SRSF9: variants seen among roughly 807,000 people sequenced by gnomAD.
The protein encoded by SRSF9 is serine/arginine-rich splicing factor 9.
In SRSF9, 3 loss-of-function variants were observed where a neutral mutation model predicts 25.9. The observed-to-expected ratio is 0.12, with a 90% CI of 0.05 to 0.30. SRSF9 has a LOEUF of 0.30. Ranked by LOEUF, SRSF9 falls within the 10% of genes least tolerant of loss-of-function variation. The probability of loss-of-function intolerance (pLI) is 1.00; values close to 1 mark genes in which losing one functional copy is unlikely to be tolerated. For missense variants in SRSF9, 161 were observed against 303.5 expected, an observed-to-expected ratio of 0.53 and a Z score of 3.49; for synonymous variants, 114 against 113.2, an observed-to-expected ratio of 1.01 and a Z score of -0.05.
chr12:120,465,905 A>G, intron 1 of SRSF9, 118 bp from the exon 2 acceptor site: 1 of 958,968 alleles, frequency 1.0e-6, no homozygotes, highest in Non-Finnish European at 1.5e-6. Flanking sequence ...TAGAGTGAAG[A>G]AAAAAACACA....
At chr12:120,464,640 G>C (rs1474349809) in intron 2 of SRSF9, 1 of 152,822 alleles carries the variant, frequency 6.5e-6, no homozygotes, top group Non-Finnish European at 1.5e-5. Context: ...ACTATACAGA[G>C]TACCTCTTAA....
At chr12:120,466,826 C>T (rs1045598231) in intron 1 of SRSF9, among the ~76,000 whole-genome samples, 1 of 152,206 alleles carries the variant, frequency 6.6e-6, no homozygotes, top group African/African-American at 2.4e-5. Flanking sequence ...TAAGCCACTG[C>T]GCCTGGCCTT....
chr12:120,468,968 C>T (rs1456319988), intron 1 of SRSF9, among the ~76,000 whole-genome samples: 1 of 152,044 alleles, frequency 6.6e-6, no homozygotes, highest in Non-Finnish European at 1.5e-5. Flanking sequence ...CCTCCACGAC[C>T]TCCAGCGGCA....
intron 1 of SRSF9, 125 bp from the exon 2 acceptor site, chr12:120,465,912 C>G: frequency 1.1e-6 from 1 of 922,048 alleles, no homozygotes; most frequent in Admixed American, 3.7e-5. Context: ...AAGAAAAAAA[C>G]ACACAAATCA....
intron 1 of SRSF9, 89 bp from the exon 2 acceptor site, chr12:120,465,876 T>G: frequency 7.6e-7 from 1 of 1,311,864 alleles, no homozygotes; most frequent in Non-Finnish European, 1.0e-6. Flanking sequence ...GCATGAGTAG[T>G]AAGCATAAAA....
chr12:120,463,907 A>T, intron 3 of SRSF9, 43 bp downstream of exon 3: 2 of 1,561,710 alleles, frequency 1.3e-6, no homozygotes, highest in African/African-American at 1.4e-5. Flanking sequence ...GTTCAAGTGG[A>T]GTGATTTGAG....
Position 120,469,436 on chromosome 12 carries a change from G to A in SRSF9, c.174C>T (p.Arg58=). 6.3e-7 allele frequency: 1 copy of A among 1,585,068 alleles called. No homozygotes were observed. Residue 58 remains arginine, a synonymous_variant, in exon 1 of 4, where the codon CGC becomes CGT. Transcript: ENST00000229390. ...GGGGGCCTCACCGGGGGTCCTCGAA[G>A]CGCACGAAGGCGAAGGGCACGAGGC... is the stretch of plus-strand genomic sequence containing the variant. ...RHGLVPFAFV[R]FEDPRDAEDA...
intron 1 of SRSF9, 108 bp downstream of exon 1, chr12:120,469,314 G>GCGGGGGGAGGGGAGGC (rs1051411783): frequency 4.4e-5 from 31 of 710,654 alleles, no homozygotes; most frequent in Admixed American, 2.3e-4. Flanking sequence ...CTGCGCGGAG[G>GCGGGGGGAGGGGAGGC]CGGGGGGAGG....
Position 120,462,110 on chromosome 12 carries a change from T to C in SRSF9, c.575A>G (p.Tyr192Cys), listed in dbSNP as rs1423438628. The change falls in exon 4 of 4, where the codon TAC becomes TGC. Residue 192 changes from tyrosine (Y) to cysteine (C), a missense_variant. Physicochemically the swap from Tyr to Cys is radical, Grantham distance 194. Transcript: ENST00000229390. ...CCTTGACCCAGACCGAGACCGTGAG[T>C]AGCCATAGCTGGTGCTTCTCTCAGG... ...VYPERSTSYG[Y>C]SRSRSGSRGR... 1 of 1,611,942 alleles carries C rather than the reference T, an allele frequency of 6.2e-7. No individual in the cohort carries two copies. The highest frequency in any genetic ancestry group is 2.2e-5 in the East Asian group (1 of 44,798).
At chr12:120,464,259 G>T (rs1878433128) in intron 2 of SRSF9, 137 bp from the exon 3 acceptor site, 3 of 1,006,014 alleles carry the variant, frequency 3.0e-6, no homozygotes, top group Non-Finnish European at 4.3e-6. Flanking sequence ...CTTGATAAGG[G>T]ACATGAAATC....
intron 2 of SRSF9, chr12:120,465,388 A>C (rs1401297157): frequency 1.7e-5 from 6 of 356,310 alleles, no homozygotes; most frequent in Non-Finnish European, 3.0e-5. Flanking sequence ...CCTTCTCACC[A>C]CTAGAAAACT....
At chr12:120,466,864 G>C (rs887161467) in intron 1 of SRSF9, among the ~76,000 whole-genome samples, 26 of 152,154 alleles carry the variant, frequency 1.7e-4, no homozygotes, top group African/African-American at 6.3e-4. Flanking sequence ...TTTTCAGCAT[G>C]GTTTGGAGAA....
At chr12:120,462,215 A>G (rs1878365311) in intron 3 of SRSF9, 53 bp from the exon 4 acceptor site, 1 of 1,544,690 alleles carries the variant, frequency 6.5e-7, no homozygotes, top group African/African-American at 1.4e-5. Flanking sequence ...TCAGAGCCAG[A>G]AGAATAAGCA....
At chr12:120,466,034 C>G (rs1310408020) in intron 1 of SRSF9, among the ~76,000 whole-genome samples, 1 of 152,120 alleles carries the variant, frequency 6.6e-6, no homozygotes, top group Non-Finnish European at 1.5e-5. Context: ...AATGAGCAAA[C>G]AGATTACTCA....
rs1419929391 is a variant in SRSF9, at chr12:120,462,033, A to C, written c.652T>G (p.Phe218Val). 5 of 1,611,190 alleles carry C rather than the reference A, an allele frequency of 3.1e-6. No homozygotes were observed. The highest frequency in any genetic ancestry group is 4.2e-6 in the Non-Finnish European group (5 of 1,179,392). Residue 218 changes from phenylalanine to valine, a missense_variant, in exon 4 of 4, where the codon TTC (phenylalanine) becomes GTC (valine). Phe to Val is a conservative substitution (Grantham distance 50, BLOSUM62 -1). This residue lies in a region of SRSF9 where 21 missense variants were observed against 20.1 expected (regional missense o/e 1.05). Coordinates refer to ENST00000229390, the MANE Select transcript of SRSF9 (RefSeq NM_003769.3). ...SRGSPHYFSP[F>V]RPY ...CATCACCTGTCTCAGTAGGGCCTGAAAGGAGAGAAGTAGTGTGGGGAACCC... is the reference window on the plus strand; with the variant it reads ...CATCACCTGTCTCAGTAGGGCCTGACAGGAGAGAAGTAGTGTGGGGAACCC...
intron 1 of SRSF9, 126 bp downstream of exon 1, chr12:120,469,296 T>A (rs1453225883): frequency 7.4e-6 from 4 of 538,530 alleles, no homozygotes; most frequent in Non-Finnish European, 1.2e-5. Flanking sequence ...GGGGGCGCCG[T>A]GAGGGGTCTG....
intron 1 of SRSF9, among the ~76,000 whole-genome samples, 165 bp downstream of exon 1, chr12:120,469,254 CGAG>C (rs1565918229): frequency 6.6e-6 from 1 of 151,714 alleles, no homozygotes; most frequent in African/African-American, 2.4e-5. Context: ...CCCGGGCCTG[CGAG>C]GAGAGGCTGC....
intron 3 of SRSF9, chr12:120,463,087 A>G (rs1333273665): frequency 6.6e-6 from 1 of 151,044 alleles, no homozygotes; most frequent in African/African-American, 2.5e-5. Flanking sequence ...CGTAAATCTC[A>G]TAGTAAGGCA....
intron 1 of SRSF9, among the ~76,000 whole-genome samples, chr12:120,466,020 AATG>A (rs1464159464): frequency 1.3e-5 from 2 of 152,210 alleles, no homozygotes; most frequent in Non-Finnish European, 2.9e-5. Context: ...ATGAAATTAT[AATG>A]AATGAGCAAA....
Sources: allele counts gnomAD v4.1 joint callset (sites outside exome capture counted in the v4.1 genomes callset), GRCh38; gene constraint gnomAD v4.1.1; regional missense constraint gnomAD v4.1.1; transcripts MANE v1.5; gene names NCBI Gene and HGNC (gene_info 2026-07-23, HGNC 2026-07-21).